The following AKAP5 variants were observed in gnomAD, a reference collection of about 807,000 sequenced individuals.
AKAP5 encodes the protein A-kinase anchor protein 5.
In AKAP5, 5 loss-of-function variants were observed where a neutral mutation model predicts 13.8. That is an observed-to-expected ratio of 0.36 (90% CI 0.19 to 0.76). AKAP5 has a LOEUF of 0.76. Among genes scored for constraint, AKAP5 ranks in the 30% least tolerant of loss-of-function variants. AKAP5 has a pLI of 0.51. For missense variants in AKAP5, 406 were observed against 484.4 expected (o/e 0.84, Z 1.52); for synonymous variants, 148 against 167.2 (o/e 0.89, Z 0.89).
In AKAP5 at chr14:64,469,065, A is replaced by C; in HGVS notation, c.671A>C (p.Gln224Pro). The C allele has an allele frequency of 6.2e-7, 1 of 1,614,154 alleles. No individual in the cohort carries two copies. The highest frequency in any genetic ancestry group is 8.5e-7 in the Non-Finnish European group (1 of 1,180,014). Residue 224 changes from glutamine (Q) to proline (P), a missense_variant, in exon 2 of 2, where the codon CAA (glutamine) becomes CCA (proline). Physicochemically the swap from Gln to Pro is moderately conservative, Grantham distance 76. Transcript: ENST00000394718. ...LGLDNGHSAI[Q>P]TGTLILEEIE... is the part of the protein sequence containing the mutation. ...TTAGATAATGGGCATTCTGCTATTC[A>C]AACGGGAACTCTAATCCTTGAAGAA...
intron 1 of AKAP5, among the ~76,000 whole-genome samples, chr14:64,466,664 A>T (rs1334204563): frequency 2.0e-5 from 3 of 152,218 alleles, no homozygotes; most frequent in African/African-American, 7.2e-5. Context: ...AACCTAAGAT[A>T]ATATTTACTT....
chr14:64,465,879 C>T (rs2078607779), intron 1 of AKAP5, among the ~76,000 whole-genome samples: 1 of 152,192 alleles, frequency 6.6e-6, no homozygotes, highest in African/African-American at 2.4e-5. Flanking sequence ...TTCTTTATCC[C>T]TCTTTGAGAA....
Position 64,469,283 on chromosome 14 carries a change from A to T in AKAP5, c.889A>T (p.Thr297Ser), listed in dbSNP as rs2078643073. The T allele has an allele frequency of 4.3e-6, 7 of 1,613,484 alleles. No individual in the cohort carries two copies. Among genetic ancestry groups the T allele is most frequent in the Non-Finnish European group, 5.9e-6 (7 of 1,179,954 alleles). Residue 297 changes from threonine (T) to serine (S), a missense_variant, in exon 2 of 2, where the codon ACA becomes TCA. Transcript: ENST00000394718. Reference sequence around the variant, plus strand: ...ACCAAATGGAAAAGACTATGAAAGTACAGAGATTGTAGCTGAAGAAACTAA... The same window carrying T: ...ACCAAATGGAAAAGACTATGAAAGTTCAGAGATTGTAGCTGAAGAAACTAA... ...SAPNGKDYES[T>S]EIVAEETKPK...
Position 64,468,948 on chromosome 14 carries a change from G to C in AKAP5, c.554G>C (p.Gly185Ala), listed in dbSNP as rs758179190. Residue 185 changes from glycine to alanine, a missense_variant, in exon 2 of 2, where the codon GGC (glycine) becomes GCC (alanine). Gly to Ala is a moderately conservative substitution (Grantham distance 60, BLOSUM62 0). Coordinates refer to ENST00000394718, the MANE Select transcript of AKAP5 (RefSeq NM_004857.3). ...KAKSTQDLSE[G>A]ISRKDGDEVC... The stretch of plus-strand genomic sequence containing the variant: ...AAGTCAACCCAGGATCTAAGTGAAG[G>C]CATCTCACGGAAAGATGGTGATGAG... 3 of 1,614,196 alleles carry C rather than the reference G, an allele frequency of 1.9e-6. No individual in the cohort carries two copies. Among genetic ancestry groups the C allele is most frequent in the Non-Finnish European group, 2.5e-6 (3 of 1,180,030 alleles).
chr14:64,468,920 G>A lies in AKAP5; in HGVS notation c.526G>A (p.Ala176Thr). 1.2e-6 allele frequency: 2 copies of A among 1,614,154 alleles called. No individual in the cohort carries two copies. The highest frequency in any genetic ancestry group is 1.7e-6 in the Non-Finnish European group (2 of 1,180,022). Residue 176 changes from alanine to threonine, a missense_variant, in exon 2 of 2, where the codon GCT (alanine) becomes ACT (threonine). Ala to Thr is a moderately conservative substitution (Grantham distance 58, BLOSUM62 0). Transcript: ENST00000394718. The stretch of plus-strand genomic sequence containing the variant: ...CCCATTGAATGATCAGGCAACAAAG[G>A]CTAAGTCAACCCAGGATCTAAGTGA... Reference protein sequence around the residue: ...QTPLNDQATKAKSTQDLSEGI... With the variant: ...QTPLNDQATKTKSTQDLSEGI...
Position 64,468,313 on chromosome 14 carries a change from A to G in AKAP5, c.-82A>G. 1 of 1,335,082 alleles carries G rather than the reference A, an allele frequency of 7.5e-7. No homozygotes were observed. The highest frequency in any genetic ancestry group is 1.0e-6 in the Non-Finnish European group (1 of 989,436). The allele number at this position is 1,335,082 out of a possible 1,614,324, so 82.7% of individuals were successfully genotyped here. A position where few individuals can be genotyped will look rare whatever the true frequency, so the allele number is the denominator to read the frequency against. ...TGGAAGAAATTTTACCTAGTGTGAC[A>G]TTTTTGCTCATCTTTTTGTCACAAA... On this transcript the variant is annotated 5_prime_UTR_variant, in exon 2 of 2. Coordinates refer to ENST00000394718, the MANE Select transcript of AKAP5 (RefSeq NM_004857.3).
chr14:64,469,017 A>G lies in AKAP5; in HGVS notation c.623A>G (p.Lys208Arg). The change falls in exon 2 of 2, where the codon AAA becomes AGA. Residue 208 changes from lysine to arginine, a missense_variant. Lys to Arg is a conservative substitution (Grantham distance 26). Transcript: ENST00000394718. ...NVSNSTTSGE[K>R]VISVELGLDN... ...AGCAATAGCACAACTTCTGGAGAGA[A>G]AGTGATTTCAGTAGAACTTGGATTA... 6.2e-7 allele frequency: 1 copy of G among 1,614,208 alleles called. No homozygotes were observed.
chr14:64,470,526 G>T lies in AKAP5; in HGVS notation c.*848G>T, dbSNP rs560964439. On this transcript the variant is annotated 3_prime_UTR_variant, in exon 2 of 2. Coordinates refer to ENST00000394718, the MANE Select transcript of AKAP5 (RefSeq NM_004857.3). ...AATTGCTTGAACCCGAGAGGTGGAG[G>T]TTGCAGGGAGCCAAGATTGCACCAC... is the stretch of plus-strand genomic sequence containing the variant. 6.3e-6 allele frequency: 1 copy of T among 159,498 alleles called. No individual in the cohort carries two copies. Among genetic ancestry groups the T allele is most frequent in the East Asian group, 2.0e-4 (1 of 5,060 alleles). The allele number at this position is 159,498 out of a possible 1,614,324, so 9.9% of individuals were successfully genotyped here.
chr14:64,472,581 G>A lies in AKAP5; in HGVS notation c.*2903G>A, dbSNP rs1212761985. 1 of 166,852 alleles carries A rather than the reference G, an allele frequency of 6.0e-6. No homozygotes were observed. The highest frequency in any genetic ancestry group is 2.4e-5 in the African/African-American group (1 of 41,402). 10.3% of individuals were successfully genotyped at this position (166,852 alleles called of 1,614,324 possible). A position where few individuals can be genotyped will look rare whatever the true frequency, so the allele number is the denominator to read the frequency against. ...TTTTACTTGCATTCATTCTTAAGAGGTTTCTGTTTTTCTATTGAGAATATC... is the reference window on the plus strand; with the variant it reads ...TTTTACTTGCATTCATTCTTAAGAGATTTCTGTTTTTCTATTGAGAATATC... On this transcript the variant is annotated 3_prime_UTR_variant, in exon 2 of 2. Transcript: ENST00000394718.
chr14:64,465,703 A>ACTGGATACGGGGTATCCGAGCCCT (rs2078605825), intron 1 of AKAP5, 90 bp downstream of exon 1: 7 of 152,270 alleles, frequency 4.6e-5, no homozygotes, highest in South Asian at 4.1e-4. Flanking sequence ...AGAGGTGCCC[A>ACTGGATACGGGGTATCCGAGCCCT]CTGGATACGG....
rs145715734 is a variant in AKAP5 at position 64,474,455 on chromosome 14, T to C, written c.*4777T>C. On this transcript the variant is annotated 3_prime_UTR_variant, in exon 2 of 2. Transcript: ENST00000394718. The stretch of plus-strand genomic sequence containing the variant: ...TGTAGAAAAAAGGTTTCAAGTTGAA[T>C]TAATTTATGTACTGATTATTAATAC... 86 of 167,202 alleles carry C rather than the reference T, an allele frequency of 5.1e-4. 2 individuals carry two copies. In the East Asian group the frequency reaches 0.016, roughly 31 times the overall value. The allele number at this position is 167,202 out of a possible 1,614,324, so 10.4% of individuals were successfully genotyped here.
Position 64,469,484 on chromosome 14 carries a change from A to T in AKAP5, c.1090A>T (p.Ile364Phe), listed in dbSNP as rs2078645359. Reference sequence around the variant, plus strand: ...TAAAAATGTCCCTAAGCAATTCTTAATTTCAGCTGAAAATGAGCAAGTAGG... The same window carrying T: ...TAAAAATGTCCCTAAGCAATTCTTATTTTCAGCTGAAAATGAGCAAGTAGG... Reference protein sequence around the residue: ...KSKNVPKQFLISAENEQVGVF... With the variant: ...KSKNVPKQFLFSAENEQVGVF... Residue 364 changes from isoleucine to phenylalanine, a missense_variant, in exon 2 of 2, where the codon ATT becomes TTT. By Grantham distance (21) the Ile-to-Phe change is conservative. Transcript: ENST00000394718. 6.2e-7 allele frequency: 1 copy of T among 1,612,950 alleles called. No homozygotes were observed. The highest frequency in any genetic ancestry group is 1.7e-5 in the Admixed American group (1 of 59,812).
rs1309202149 is a variant in AKAP5, at chr14:64,473,665, C to T, written c.*3987C>T. On this transcript the variant is annotated 3_prime_UTR_variant, in exon 2 of 2. Coordinates refer to ENST00000394718, the MANE Select transcript of AKAP5 (RefSeq NM_004857.3). ...AAAATAATTGTTAGGCTTTAGAATC[C>T]CACTGTTTGAAAAGATCCTTTTAAT... 6.6e-5 allele frequency: 11 copies of T among 166,722 alleles called. No individual in the cohort carries two copies. Among genetic ancestry groups the T allele is most frequent in the African/African-American group, 2.7e-4 (11 of 41,330 alleles). The allele number at this position is 166,722 out of a possible 1,614,324, so 10.3% of individuals were successfully genotyped here.
At chr14:64,467,992 A>G (rs879916437) in intron 1 of AKAP5, 140 bp from the exon 2 acceptor site, 1 of 155,216 alleles carries the variant, frequency 6.4e-6, no homozygotes, top group Non-Finnish European at 1.4e-5. Flanking sequence ...GTAAACCCCA[A>G]TGTTTATTCT....
rs1157161140 is a variant in AKAP5 at position 64,472,866 on chromosome 14, T to C, written c.*3188T>C. The stretch of plus-strand genomic sequence containing the variant: ...TAAGTTCTGTTTCAATTCATGTCCA[T>C]TTAACAACATTAAAATAATTATTAG... On this transcript the variant is annotated 3_prime_UTR_variant, in exon 2 of 2. Transcript: ENST00000394718. The C allele has an allele frequency of 1.2e-5, 2 of 167,092 alleles. No homozygotes were observed. The highest frequency in any genetic ancestry group is 6.5e-5 in the Admixed American group (1 of 15,290). 10.4% of individuals were successfully genotyped at this position (167,092 alleles called of 1,614,324 possible).
At position 64,469,676 on chromosome 14, in the gene AKAP5, TGACTTACTCTCCAGA is replaced by T; in HGVS notation, c.1284_*14del. 6.4e-7 allele frequency: 1 copy of T among 1,559,270 alleles called. No homozygotes were observed. Among genetic ancestry groups the T allele is most frequent in the Non-Finnish European group, 8.6e-7 (1 of 1,156,540 alleles). Reference sequence around the variant, plus strand: ...TAATAAAATAAACAATCTTCTACAGTGACTTACTCTCCAGAGTCACGGCAGAAAAAACAAGCTTAA... The same window carrying T: ...TAATAAAATAAACAATCTTCTACAGTGTCACGGCAGAAAAAACAAGCTTAA... On this transcript the variant is annotated stop_lost and 3_prime_UTR_variant, in exon 2 of 2. Transcript: ENST00000394718.
chr14:64,466,240 G>A (rs2078612278), intron 1 of AKAP5, among the ~76,000 whole-genome samples: 1 of 152,222 alleles, frequency 6.6e-6, no homozygotes, highest in African/African-American at 2.4e-5. Context: ...GGTTAAGAGC[G>A]AATCATTTGC....
rs1349916377 is a variant in AKAP5 at position 64,469,094 on chromosome 14, G to T, written c.700G>T (p.Glu234Ter). The T allele has an allele frequency of 6.2e-7, 1 of 1,613,968 alleles. No individual in the cohort carries two copies. Among genetic ancestry groups the T allele is most frequent in the Non-Finnish European group, 8.5e-7 (1 of 1,179,968 alleles). ...GGGAACTCTAATCCTTGAAGAAATT[G>T]AAACGATCAAGGAAAAACAAGATGT... ...QTGTLILEEI[E>*]TIKEKQDVQP... is the part of the protein sequence containing the mutation. Residue 234 changes from glutamate to a stop codon, truncating the protein, a stop_gained, in exon 2 of 2, where the codon GAA becomes TAA. Transcript: ENST00000394718. LOFTEE classifies it high-confidence loss of function.
At chr14:64,466,388 G>A (rs546195230) in intron 1 of AKAP5, among the ~76,000 whole-genome samples, 1 of 152,118 alleles carries the variant, frequency 6.6e-6, no homozygotes, top group African/African-American at 2.4e-5. Context: ...TTGTCTTTGC[G>A]CAATCCAGGT....
Sources: gnomAD v4.1 joint callset for allele counts (sites outside exome capture counted in the v4.1 genomes callset) on GRCh38, gnomAD v4.1.1 for gene constraint, MANE v1.5 for transcripts, NCBI Gene and HGNC (gene_info 2026-07-23, HGNC 2026-07-21) for gene names.